JAKMIP2: variants seen among roughly 807,000 people sequenced by gnomAD.
JAKMIP2 encodes janus kinase and microtubule interacting protein 2.
Under a neutral mutation model 115.0 loss-of-function variants are expected in JAKMIP2, and 25 were observed. The ratio of observed to expected loss-of-function variants is 0.22; its 90% CI spans 0.16 to 0.30. The LOEUF (loss-of-function observed/expected upper bound fraction) is 0.30. JAKMIP2 is among the 10% of genes least tolerant of loss of function. JAKMIP2 has a pLI of 1.00. For missense variants in JAKMIP2, 642 were observed against 957.6 expected (o/e 0.67, Z 4.35); for synonymous variants, 334 against 343.6 (o/e 0.97, Z 0.31).
chr5:147,711,084 T>C (rs1230602986), intron 1 of JAKMIP2, among the ~76,000 whole-genome samples: 1 of 152,244 alleles, frequency 6.6e-6, no homozygotes, highest in East Asian at 1.9e-4. Context: ...AGATCTACTT[T>C]AAAAATTAAC....
At chr5:147,697,124 C>T (rs561083282) in intron 1 of JAKMIP2, among the ~76,000 whole-genome samples, 1 of 152,112 alleles carries the variant, frequency 6.6e-6, no homozygotes, top group Admixed American at 6.5e-5. Flanking sequence ...CTAATAAAAA[C>T]ATACCTGAGA....
intron 3 of JAKMIP2, chr5:147,660,710 A>C (rs1426029577): frequency 3.9e-6 from 2 of 510,950 alleles, no homozygotes; most frequent in Non-Finnish European, 7.0e-6. Flanking sequence ...TCCAGTTTTT[A>C]TGAGAAAGGT....
At chr5:147,705,420 T>G (rs1026562960) in intron 1 of JAKMIP2, among the ~76,000 whole-genome samples, 1 of 152,046 alleles carries the variant, frequency 6.6e-6, no homozygotes, top group African/African-American at 2.4e-5. Flanking sequence ...CTGTGCAACA[T>G]GGAGAAACCC....
chr5:147,769,818 T>C (rs868785593), intron 1 of JAKMIP2, among the ~76,000 whole-genome samples: 1 of 152,088 alleles, frequency 6.6e-6, no homozygotes, highest in Non-Finnish European at 1.5e-5. Flanking sequence ...GTAAACCAGA[T>C]GGAACTGCTG....
chr5:147,751,123 G>A (rs746467809), intron 1 of JAKMIP2, among the ~76,000 whole-genome samples: 3 of 151,514 alleles, frequency 2.0e-5, no homozygotes, highest in Non-Finnish European at 2.9e-5. Flanking sequence ...CCAGGCTGGA[G>A]TGCAGTGGCA....
At chr5:147,667,156 G>T (rs1759343274) in intron 2 of JAKMIP2, among the ~76,000 whole-genome samples, 1 of 152,110 alleles carries the variant, frequency 6.6e-6, no homozygotes, top group African/African-American at 2.4e-5. Context: ...GGGTGCGTAT[G>T]GGCCTAAAGA....
intron 2 of JAKMIP2, among the ~76,000 whole-genome samples, chr5:147,665,991 G>GACAAAA (rs1759279840): frequency 2.0e-5 from 3 of 152,206 alleles, no homozygotes; most frequent in Non-Finnish European, 2.9e-5. Flanking sequence ...CCAGCCTGAA[G>GACAAAA]ACAAAAACAA....
At chr5:147,675,783 AT>A (rs1245892919) in intron 1 of JAKMIP2, among the ~76,000 whole-genome samples, 2,486 of 99,128 alleles carry the variant, frequency 0.025, 10 homozygotes, top group South Asian at 0.064. Context: ...ATCATATGAC[AT>A]TTTTTTTTTT....
intron 1 of JAKMIP2, among the ~76,000 whole-genome samples, chr5:147,739,710 G>C (rs1754068682): frequency 6.6e-6 from 1 of 151,938 alleles, no homozygotes; most frequent in Non-Finnish European, 1.5e-5. Context: ...TCCCTTTCCA[G>C]TGCTCCAACT....
chr5:147,639,583 T>C (rs1247608091), intron 10 of JAKMIP2, 49 bp downstream of exon 10: 1 of 1,568,910 alleles, frequency 6.4e-7, no homozygotes. Flanking sequence ...GCTTTTATGC[T>C]GTGACTGCTG....
intron 7 of JAKMIP2, among the ~76,000 whole-genome samples, chr5:147,643,086 G>C (rs543937469): frequency 0.026 from 3,911 of 151,986 alleles, 188 homozygotes; most frequent in African/African-American, 0.089. Context: ...ACCTCACCTT[G>C]CGATCGTGTG....
intron 10 of JAKMIP2, 85 bp from the exon 11 acceptor site, chr5:147,637,133 G>C (rs1757651552): frequency 2.6e-6 from 2 of 773,278 alleles, no homozygotes; most frequent in African/African-American, 3.5e-5. Flanking sequence ...GTAAGAGAGA[G>C]AGAGAGGAAA....
intron 19 of JAKMIP2, among the ~76,000 whole-genome samples, chr5:147,616,547 G>A (rs1050224255): frequency 2.6e-5 from 4 of 152,150 alleles, no homozygotes; most frequent in African/African-American, 9.7e-5. Context: ...GTGTTTCCAT[G>A]ACATAACTCC....
Position 147,591,368 on chromosome 5 carries a change from C to T in JAKMIP2, c.*339G>A. 2.9e-6 allele frequency: 1 copy of T among 345,816 alleles called. No individual in the cohort carries two copies. The allele number at this position is 345,816 out of a possible 1,614,324, so 21.4% of individuals were successfully genotyped here. A position where few individuals can be genotyped will look rare whatever the true frequency, so the allele number is the denominator to read the frequency against. Reference sequence around the variant, plus strand: ...TAACTTTGGTTCCATGCCCAAGACACATCTTTGCTTGATCTGCAGAAACTA... The same window carrying T: ...TAACTTTGGTTCCATGCCCAAGACATATCTTTGCTTGATCTGCAGAAACTA... On this transcript the variant is annotated 3_prime_UTR_variant, in exon 22 of 22. Transcript: ENST00000616793.
At position 147,650,399 on chromosome 5, in the gene JAKMIP2, C is replaced by T. The variant is rs780882837; in HGVS notation, c.776G>A (p.Ser259Asn). The change falls in exon 4 of 22, where the codon AGC (serine) becomes AAC (asparagine). Residue 259 changes from serine (S) to asparagine (N), a missense_variant. Transcript: ENST00000616793. ...TCCTGGAATTTCTCGTTTTGGGCTG[C>T]TCATGTTGCACTCAGCCTCCTTGAC... ...FLVKEAECNM[S>N]SPKREIPGRA... 6.2e-7 allele frequency: 1 copy of T among 1,613,882 alleles called. No individual in the cohort carries two copies. Among genetic ancestry groups the T allele is most frequent in the Non-Finnish European group, 8.5e-7 (1 of 1,179,838 alleles).
chr5:147,719,599 G>A (rs1753174082), intron 1 of JAKMIP2, among the ~76,000 whole-genome samples: 1 of 152,094 alleles, frequency 6.6e-6, no homozygotes, highest in Admixed American at 6.5e-5. Flanking sequence ...TTACCATTAT[G>A]TAATGGCTGT....
intron 1 of JAKMIP2, among the ~76,000 whole-genome samples, chr5:147,747,845 A>G (rs779645329): frequency 6.6e-6 from 1 of 152,076 alleles, no homozygotes; most frequent in Non-Finnish European, 1.5e-5. Context: ...CTGCCTTTGT[A>G]TCTTTGCATA....
chr5:147,695,265 T>C (rs552967968), intron 1 of JAKMIP2, among the ~76,000 whole-genome samples: 2 of 152,274 alleles, frequency 1.3e-5, no homozygotes, highest in African/African-American at 4.8e-5. Context: ...TATTTAGTAG[T>C]TGAGAGGCTA....
At chr5:147,682,900 G>A (rs756140909) in intron 1 of JAKMIP2, among the ~76,000 whole-genome samples, 7 of 152,144 alleles carry the variant, frequency 4.6e-5, no homozygotes, top group Non-Finnish European at 7.3e-5. Context: ...CCTCAGCACT[G>A]GGTAAGTCAT....
Sources: gnomAD v4.1 joint callset for allele counts (sites outside exome capture counted in the v4.1 genomes callset) on GRCh38, gnomAD v4.1.1 for gene constraint, MANE v1.5 for transcripts, NCBI Gene and HGNC (gene_info 2026-07-23, HGNC 2026-07-21) for gene names.